ADAM28: variants seen among roughly 807,000 people sequenced by gnomAD.
The protein encoded by ADAM28 is disintegrin and metalloproteinase domain-containing protein 28.
A neutral mutation model predicts 101.2 loss-of-function variants in ADAM28; 105 were observed. That is an observed-to-expected ratio of 1.04 (90% CI 0.89 to 1.22). The LOEUF (loss-of-function observed/expected upper bound fraction) is 1.22, where lower values mean the gene tolerates loss of function less well. Ranked by LOEUF, ADAM28 falls within the 50% of genes most tolerant of loss-of-function variation. The pLI is 0.00. For missense variants in ADAM28, 1,028 were observed against 945.4 expected (o/e 1.09, Z -1.15); for synonymous variants, 322 against 310.6 (o/e 1.04, Z -0.39).
At chr8:24,351,204 A>G (rs1486998340) in intron 19 of ADAM28, 28 bp from the exon 20 acceptor site, 6 of 1,504,760 alleles carry the variant, frequency 4.0e-6, no homozygotes, top group South Asian at 1.3e-5. Flanking sequence ...TGCTAAGTCA[A>G]TTGATATCAT....
chr8:24,305,064 C>A (rs2129246931), intron 2 of ADAM28, among the ~76,000 whole-genome samples: 1 of 151,958 alleles, frequency 6.6e-6, no homozygotes, highest in East Asian at 1.9e-4. Context: ...CATAAATTAT[C>A]AACTTCAGGT....
At position 24,352,051 on chromosome 8, in the gene ADAM28, T is replaced by C; in HGVS notation, c.2243T>C (p.Phe748Ser). Residue 748 changes from phenylalanine to serine, a missense_variant and splice_region_variant, in exon 21 of 23, where the codon TTT (phenylalanine) becomes TCT (serine). Physicochemically the swap from Phe to Ser is radical, Grantham distance 155. Coordinates refer to ENST00000265769, the MANE Select transcript of ADAM28 (RefSeq NM_014265.6). Reference protein sequence around the residue: ...PVEGNEPPASFHKDTNALPPT... With the variant: ...PVEGNEPPASSHKDTNALPPT... Reference sequence around the variant, plus strand: ...GAAGGCAATGAGCCCCCAGCCTCTTTTGTGAGTTAGCAACTTCTCTTAAAT... The same window carrying C: ...GAAGGCAATGAGCCCCCAGCCTCTTCTGTGAGTTAGCAACTTCTCTTAAAT... The C allele has an allele frequency of 6.2e-7, 1 of 1,613,704 alleles. No individual in the cohort carries two copies. Among genetic ancestry groups the C allele is most frequent in the Admixed American group, 1.7e-5 (1 of 59,984 alleles).
intron 16 of ADAM28, among the ~76,000 whole-genome samples, 155 bp downstream of exon 16, chr8:24,341,912 G>C (rs895037889): frequency 2.6e-5 from 4 of 152,160 alleles, no homozygotes; most frequent in African/African-American, 9.7e-5. Flanking sequence ...TTGGAACACA[G>C]AAATGAAAAT....
At position 24,357,110 on chromosome 8, in the gene ADAM28, C is replaced by T. The variant is rs534776893; in HGVS notation, c.*2706C>T. 1 of 99,154 alleles carries T rather than the reference C, an allele frequency of 1.0e-5. No individual in the cohort carries two copies. Among genetic ancestry groups the T allele is most frequent in the African/African-American group, 3.8e-5 (1 of 26,342 alleles). The allele number at this position is 99,154 out of a possible 1,614,324, so 6.1% of individuals were successfully genotyped here. On this transcript the variant is annotated 3_prime_UTR_variant, in exon 23 of 23. Coordinates refer to ENST00000265769, the MANE Select transcript of ADAM28 (RefSeq NM_014265.6). Reference sequence around the variant, plus strand: ...CAAATGAAGTGAAGTCTACCAATAACCACTGAATAAGCTTGGAATTTTAGA... The same window carrying T: ...CAAATGAAGTGAAGTCTACCAATAATCACTGAATAAGCTTGGAATTTTAGA...
At chr8:24,301,529 C>A (rs1302032083) in intron 2 of ADAM28, among the ~76,000 whole-genome samples, 1 of 152,074 alleles carries the variant, frequency 6.6e-6, no homozygotes, top group Non-Finnish European at 1.5e-5. Flanking sequence ...GTCCTTTCAA[C>A]AAACATATAA....
chr8:24,321,175 C>A, intron 7 of ADAM28, 43 bp from the exon 8 acceptor site: 2 of 1,270,082 alleles, frequency 1.6e-6, no homozygotes, highest in East Asian at 2.3e-5. Flanking sequence ...CAAGTATATT[C>A]ATTTTTATCA....
chr8:24,345,508 A>G (rs1376009443), intron 18 of ADAM28, among the ~76,000 whole-genome samples: 1 of 151,878 alleles, frequency 6.6e-6, no homozygotes, highest in Non-Finnish European at 1.5e-5. Context: ...TGGCATTTTT[A>G]TGTGTCTTTG....
chr8:24,313,305 G>C (rs994941740), intron 5 of ADAM28, 83 bp from the exon 6 acceptor site: 20 of 1,290,776 alleles, frequency 1.5e-5, no homozygotes, highest in Non-Finnish European at 2.0e-5. Context: ...GAATTTTAAA[G>C]GTCCTCTTTT....
chr8:24,323,586 C>T (rs1355430133), intron 8 of ADAM28, among the ~76,000 whole-genome samples: 2 of 151,804 alleles, frequency 1.3e-5, no homozygotes, highest in African/African-American at 2.4e-5. Context: ...GCCTTTTCTC[C>T]TCCCTACCAC....
chr8:24,335,126 A>G (rs1236696595), intron 13 of ADAM28, among the ~76,000 whole-genome samples: 1 of 151,424 alleles, frequency 6.6e-6, no homozygotes, highest in African/African-American at 2.4e-5. Flanking sequence ...ATCCAACAAA[A>G]GGAGAAATAA....
chr8:24,330,268 T>G (rs566907192), intron 11 of ADAM28, among the ~76,000 whole-genome samples, 153 bp downstream of exon 11: 36 of 152,278 alleles, frequency 2.4e-4, no homozygotes, highest in African/African-American at 7.2e-4. Flanking sequence ...TGGGTAATAT[T>G]TTTTAATAAC....
intron 14 of ADAM28, chr8:24,335,907 C>A: frequency 8.8e-7 from 1 of 1,140,272 alleles, no homozygotes; most frequent in Non-Finnish European, 1.1e-6. Context: ...CAGTATATCC[C>A]ATGCAATATT....
chr8:24,301,763 G>A (rs1335712543), intron 2 of ADAM28, among the ~76,000 whole-genome samples: 1 of 152,142 alleles, frequency 6.6e-6, no homozygotes, highest in Non-Finnish European at 1.5e-5. Flanking sequence ...TCTCCTGAGA[G>A]CCTCTGTGGG....
intron 2 of ADAM28, among the ~76,000 whole-genome samples, chr8:24,304,525 TG>T (rs1563267495): frequency 6.6e-6 from 1 of 152,012 alleles, no homozygotes; most frequent in East Asian, 1.9e-4. Flanking sequence ...TTGGGGATAA[TG>T]TATATGAAAA....
chr8:24,315,195 G>C (rs1811004085), intron 6 of ADAM28, among the ~76,000 whole-genome samples: 2 of 151,866 alleles, frequency 1.3e-5, no homozygotes, highest in South Asian at 4.1e-4. Context: ...ACATTTTTAA[G>C]CTTTAAAGAC....
At chr8:24,313,624 C>A in intron 6 of ADAM28, 44 bp downstream of exon 6, 5 of 1,573,352 alleles carry the variant, frequency 3.2e-6, no homozygotes, top group Non-Finnish European at 2.6e-6. Flanking sequence ...ATGTATTCTG[C>A]CCTGGTTTCC....
Position 24,354,836 on chromosome 8 carries a change from A to G in ADAM28, c.*432A>G, listed in dbSNP as rs1816569286. 1 of 153,470 alleles carries G rather than the reference A, an allele frequency of 6.5e-6. No individual in the cohort carries two copies. Among genetic ancestry groups the G allele is most frequent in the African/African-American group, 2.4e-5 (1 of 41,468 alleles). The allele number at this position is 153,470 out of a possible 1,614,324, so 9.5% of individuals were successfully genotyped here. ...TTGTCAAATTACAATCACAGTTAAG[A>G]AAATGATGTAAAATTCTGTTTTGTG... is the stretch of plus-strand genomic sequence containing the variant. On this transcript the variant is annotated 3_prime_UTR_variant, in exon 23 of 23. Coordinates refer to ENST00000265769, the MANE Select transcript of ADAM28 (RefSeq NM_014265.6).
At chr8:24,335,738 T>C in intron 14 of ADAM28, 97 bp downstream of exon 14, 3 of 1,301,982 alleles carry the variant, frequency 2.3e-6, no homozygotes, top group South Asian at 5.9e-5. Context: ...TGTCCTATCC[T>C]TCTTAGAAGC....
rs375549342 is a variant in ADAM28 at position 24,352,106 on chromosome 8, C to T, written c.2244+54C>T. On this transcript the variant is annotated intron_variant, in intron 21 of 22. Coordinates refer to ENST00000265769, the MANE Select transcript of ADAM28 (RefSeq NM_014265.6). ...CCCTAGTTCAATCTCCAGGAAATATCGGTGAAAGTCATAGCCCACAACACT... is the reference window on the plus strand; with the variant it reads ...CCCTAGTTCAATCTCCAGGAAATATTGGTGAAAGTCATAGCCCACAACACT... 1,174 of 1,481,754 alleles carry T rather than the reference C, an allele frequency of 7.9e-4. 2 individuals carry two copies. The highest frequency in any genetic ancestry group is 1.0e-3 in the Non-Finnish European group (1,090 of 1,060,382). 91.8% of individuals were successfully genotyped at this position (1,481,754 alleles called of 1,614,324 possible).
Sources: allele counts gnomAD v4.1 joint callset (sites outside exome capture counted in the v4.1 genomes callset), GRCh38; gene constraint gnomAD v4.1.1; transcripts MANE v1.5; gene names NCBI Gene and HGNC (gene_info 2026-07-23, HGNC 2026-07-21).